Variants in PTP4A3 observed in about 807,000 individuals in gnomAD.
The protein encoded by PTP4A3 is protein tyrosine phosphatase type IVA 3.
Under a neutral mutation model 15.2 loss-of-function variants are expected in PTP4A3, and 9 were observed. The observed-to-expected ratio is 0.59, with a 90% CI of 0.36 to 1.03. The LOEUF (loss-of-function observed/expected upper bound fraction) is 1.03, where lower values mean the gene tolerates loss of function less well. PTP4A3 is among the 50% of genes least tolerant of loss of function. PTP4A3 has a pLI of 0.02. For synonymous variants in PTP4A3, 95 were observed against 102.0 expected (o/e 0.93, Z 0.41); for missense variants, 234 against 252.1 (o/e 0.93, Z 0.49).
At chr8:141,424,415 G>A (rs1480588562) in intron 2 of PTP4A3, among the ~76,000 whole-genome samples, 1 of 152,198 alleles carries the variant, frequency 6.6e-6, no homozygotes, top group Admixed American at 6.5e-5. Context: ...GCTGCCATCT[G>A]AGCGGTGCCC....
chr8:141,426,954 G>A lies in PTP4A3; in HGVS notation c.214G>A (p.Asp72Asn), dbSNP rs868159885. 1.4e-5 allele frequency: 23 copies of A among 1,611,060 alleles called. No homozygotes were observed. Among genetic ancestry groups the A allele is most frequent in the Non-Finnish European group, 1.8e-5 (21 of 1,179,842 alleles). The change falls in exon 4 of 6, where the codon GAT becomes AAT. Residue 72 changes from aspartate (D) to asparagine (N), a missense_variant. Coordinates refer to ENST00000521578, the MANE Select transcript of PTP4A3 (RefSeq NM_032611.3). ...CCCTCCGTAGGACTGGCCGTTTGACGATGGGGCGCCCCCGCCCGGCAAGGT... is the reference window on the plus strand; with the variant it reads ...CCCTCCGTAGGACTGGCCGTTTGACAATGGGGCGCCCCCGCCCGGCAAGGT... Reference protein sequence around the residue: ...GITVVDWPFDDGAPPPGKVVE... With the variant: ...GITVVDWPFDNGAPPPGKVVE...
chr8:141,427,513 G>A (rs1040802641), intron 4 of PTP4A3, among the ~76,000 whole-genome samples: 13 of 152,168 alleles, frequency 8.5e-5, no homozygotes, highest in Admixed American at 7.2e-4. Flanking sequence ...CACTTCACCC[G>A]CCAGCTCTTA....
chr8:141,423,419 A>T (rs1190265473), intron 2 of PTP4A3, among the ~76,000 whole-genome samples: 1 of 152,248 alleles, frequency 6.6e-6, no homozygotes, highest in East Asian at 1.9e-4. Flanking sequence ...GTCAGGTCTC[A>T]GTGTGTGACC....
intron 2 of PTP4A3, among the ~76,000 whole-genome samples, chr8:141,424,679 C>T (rs541849204): frequency 4.5e-4 from 68 of 152,128 alleles, no homozygotes; most frequent in African/African-American, 1.5e-3. Context: ...TGCCAGTTAC[C>T]GTGAATGTAG....
intron 1 of PTP4A3, among the ~76,000 whole-genome samples, chr8:141,417,615 G>A (rs1000946329): frequency 2.6e-5 from 4 of 152,078 alleles, no homozygotes; most frequent in Non-Finnish European, 4.4e-5. Flanking sequence ...GCCAGGGGGA[G>A]CTCCGAGGTT....
chr8:141,403,022 G>A (rs920158857), intron 1 of PTP4A3, among the ~76,000 whole-genome samples: 4 of 152,112 alleles, frequency 2.6e-5, no homozygotes, highest in Admixed American at 1.3e-4. Context: ...CACCAGGGCC[G>A]CTGTTCTTCC....
chr8:141,428,256 C>A (rs2130328003), intron 5 of PTP4A3, among the ~76,000 whole-genome samples: 2 of 152,132 alleles, frequency 1.3e-5, no homozygotes, highest in South Asian at 4.1e-4. Flanking sequence ...TAGCTGCTCA[C>A]CACCCCTCCC....
intron 1 of PTP4A3, among the ~76,000 whole-genome samples, chr8:141,409,755 G>A (rs952782145): frequency 6.6e-6 from 1 of 152,200 alleles, no homozygotes; most frequent in Non-Finnish European, 1.5e-5. Flanking sequence ...TGCTCAAAGC[G>A]GGCAGTGCAG....
intron 1 of PTP4A3, among the ~76,000 whole-genome samples, chr8:141,411,051 C>T (rs935347535): frequency 2.0e-5 from 3 of 152,138 alleles, no homozygotes; most frequent in Admixed American, 6.5e-5. Context: ...GCTGGCAAGG[C>T]GTGGGGCACC....
intron 1 of PTP4A3, among the ~76,000 whole-genome samples, chr8:141,399,552 T>C (rs1238437921): frequency 6.6e-6 from 1 of 152,236 alleles, no homozygotes; most frequent in East Asian, 1.9e-4. Flanking sequence ...TCCTGCCCTT[T>C]CTGGGCCTCC....
In PTP4A3 at chr8:141,425,200, G is replaced by GGGC; in HGVS notation, c.198+61_198+63dup. 8.7e-7 allele frequency: 1 copy of GGGC among 1,155,902 alleles called. No homozygotes were observed. Among genetic ancestry groups the GGGC allele is most frequent in the Non-Finnish European group, 1.3e-6 (1 of 780,222 alleles). 71.6% of individuals were successfully genotyped at this position (1,155,902 alleles called of 1,614,324 possible). A position where few individuals can be genotyped will look rare whatever the true frequency, so the allele number is the denominator to read the frequency against. On this transcript the variant is annotated intron_variant, in intron 3 of 5. Transcript: ENST00000521578. This position sits in a 1 kb window ranked among gnomAD's most constrained non-coding sequence, Gnocchi z 4.2. ...TGCCACCGGGGGAGGGTGGGGCGGG[G>GGGC]GGCTCCGGGCCTGCGCAGAGGGTTT...
intron 1 of PTP4A3, among the ~76,000 whole-genome samples, chr8:141,404,762 C>T (rs1013267961): frequency 3.3e-5 from 5 of 152,106 alleles, no homozygotes; most frequent in Non-Finnish European, 5.9e-5. Context: ...CCATGGGGTG[C>T]GTGGGGAAGT....
chr8:141,412,190 G>A (rs1178438773), intron 1 of PTP4A3, among the ~76,000 whole-genome samples: 1 of 152,236 alleles, frequency 6.6e-6, no homozygotes, highest in Admixed American at 6.5e-5. Context: ...CACAGCAGAG[G>A]TGTACATGCC....
At chr8:141,413,927 A>G (rs1412081180) in intron 1 of PTP4A3, among the ~76,000 whole-genome samples, 1 of 152,204 alleles carries the variant, frequency 6.6e-6, no homozygotes, top group Non-Finnish European at 1.5e-5. Context: ...CTGTGTGGAC[A>G]GGAGGACATG....
intron 4 of PTP4A3, among the ~76,000 whole-genome samples, chr8:141,427,336 A>G (rs1833623529): frequency 6.6e-6 from 1 of 152,122 alleles, no homozygotes. Context: ...CCCCCTCTCC[A>G]GACACAAAGA....
intron 2 of PTP4A3, 71 bp from the exon 3 acceptor site, chr8:141,424,977 G>T (rs760014355): frequency 1.1e-5 from 15 of 1,325,218 alleles, no homozygotes; most frequent in African/African-American, 1.5e-5. Context: ...GGGAGCCCTG[G>T]TGAGTGGGTC....
rs1366678284 is a variant in PTP4A3, at chr8:141,421,746, C to A, written c.-495C>A. ...TGGCCCTTGGGGGCTTGGGGCCCACCTCTGAGTGAAGGGGGCTGTCTGCCC... is the reference window on the plus strand; with the variant it reads ...TGGCCCTTGGGGGCTTGGGGCCCACATCTGAGTGAAGGGGGCTGTCTGCCC... On this transcript the variant is annotated 5_prime_UTR_variant, in exon 2 of 6. Coordinates refer to ENST00000521578, the MANE Select transcript of PTP4A3 (RefSeq NM_032611.3). 1 of 156,398 alleles carries A rather than the reference C, an allele frequency of 6.4e-6. No individual in the cohort carries two copies. The highest frequency in any genetic ancestry group is 1.4e-5 in the Non-Finnish European group (1 of 71,000). The allele number at this position is 156,398 out of a possible 1,614,324, so 9.7% of individuals were successfully genotyped here.
intron 1 of PTP4A3, among the ~76,000 whole-genome samples, chr8:141,419,570 G>A (rs1221405482): frequency 6.0e-5 from 6 of 99,760 alleles, no homozygotes; most frequent in African/African-American, 1.4e-4. Context: ...CCCCACCACC[G>A]GTTTTTTTTT....
intron 1 of PTP4A3, among the ~76,000 whole-genome samples, chr8:141,417,182 C>G (rs141380256): frequency 1.3e-5 from 2 of 152,146 alleles, no homozygotes; most frequent in African/African-American, 2.4e-5. Context: ...GCATCAGTGC[C>G]GAGCCTCAGA....
Sources: allele counts gnomAD v4.1 joint callset (sites outside exome capture counted in the v4.1 genomes callset), GRCh38; gene constraint gnomAD v4.1.1; non-coding constraint Gnocchi (gnomAD v3.1); transcripts MANE v1.5; gene names NCBI Gene and HGNC (gene_info 2026-07-23, HGNC 2026-07-21).